The following CADPS variants were observed in gnomAD, a reference collection of about 807,000 sequenced individuals.
CADPS encodes calcium dependent secretion activator.
Under a neutral mutation model 167.3 loss-of-function variants are expected in CADPS, and 57 were observed. The observed-to-expected ratio is 0.34, with a 90% CI of 0.28 to 0.42. The LOEUF is 0.42. Ranked by LOEUF, CADPS falls within the 20% of genes least tolerant of loss-of-function variation. The pLI, the probability that CADPS is intolerant of heterozygous loss-of-function variation, is 1.00. For synonymous variants in CADPS, 676 were observed against 635.3 expected (o/e 1.06, Z -0.96); for missense variants, 1,414 against 1,738.1 (o/e 0.81, Z 3.32).
chr3:62,431,206 G>T (rs2053870046), intron 28 of CADPS, among the ~76,000 whole-genome samples: 1 of 152,174 alleles, frequency 6.6e-6, no homozygotes, highest in Non-Finnish European at 1.5e-5. Flanking sequence ...GTATGGGTAT[G>T]TGTGTGTCAA....
intron 3 of CADPS, among the ~76,000 whole-genome samples, chr3:62,700,053 T>C (rs775275762): frequency 1.3e-5 from 2 of 152,138 alleles, no homozygotes; most frequent in Non-Finnish European, 2.9e-5. Flanking sequence ...GTATGAACTC[T>C]ATGGGTCCTC....
At chr3:62,613,295 A>ATTTGAT (rs1289354057) in intron 6 of CADPS, among the ~76,000 whole-genome samples, 1 of 152,170 alleles carries the variant, frequency 6.6e-6, no homozygotes, top group Non-Finnish European at 1.5e-5. Flanking sequence ...GTCTAAATCC[A>ATTTGAT]TTTGATTGAT....
At chr3:62,831,703 A>G (rs934113885) in intron 1 of CADPS, among the ~76,000 whole-genome samples, 10 of 152,212 alleles carry the variant, frequency 6.6e-5, no homozygotes, top group African/African-American at 2.4e-4. Flanking sequence ...GAAGTGCTAA[A>G]AAATATTTGC....
At chr3:62,567,653 C>T (rs930012437) in intron 9 of CADPS, among the ~76,000 whole-genome samples, 60 of 144,038 alleles carry the variant, frequency 4.2e-4, no homozygotes, top group Non-Finnish European at 1.9e-4. Context: ...CAGCTCACTG[C>T]AGCCTCCGCC....
At chr3:62,717,792 A>G (rs550734425) in intron 3 of CADPS, among the ~76,000 whole-genome samples, 3 of 152,306 alleles carry the variant, frequency 2.0e-5, no homozygotes, top group East Asian at 3.9e-4. Context: ...AAATTCACCA[A>G]TGGTGTCCTG....
In CADPS at chr3:62,630,300, A is replaced by G. The variant is rs561728874; in HGVS notation, c.1325+15422T>C. 3.3e-5 allele frequency among the ~76,000 whole-genome samples: 5 copies of G among 152,290 alleles called. No individual in the cohort carries two copies. In the East Asian group the frequency reaches 5.8e-4, roughly 18 times the overall value. On this transcript the variant is annotated intron_variant, in intron 6 of 29. Transcript: ENST00000383710. ...TACAGTCTTTAATTTGGTTGAATTG[A>G]TAATATATTTGAATCCGAATCTGTA...
intron 1 of CADPS, among the ~76,000 whole-genome samples, chr3:62,847,281 CTTTTT>C (rs111771617): frequency 0.029 from 3,480 of 119,462 alleles, 147 homozygotes; most frequent in African/African-American, 0.096. Context: ...TTTTTTTTAA[CTTTTT>C]TTTTTTTATA....
At position 62,724,624 on chromosome 3, in the gene CADPS, T is replaced by A. The variant is rs142145328; in HGVS notation, c.888+28817A>T. Among the ~76,000 whole-genome samples the A allele has an allele frequency of 4.9e-4, 75 of 152,300 alleles. No homozygotes were observed. The East Asian group carries it at 0.014, about 29-fold the overall frequency. ...GGGACTGTTGGTATTCTCATATATG[T>A]GGTGTTATGCGTCACACACACACAG... On this transcript the variant is annotated intron_variant, in intron 3 of 29. Coordinates refer to ENST00000383710, the MANE Select transcript of CADPS (RefSeq NM_003716.4).
At chr3:62,710,403 A>T (rs1054372089) in intron 3 of CADPS, among the ~76,000 whole-genome samples, 21 of 126,208 alleles carry the variant, frequency 1.7e-4, no homozygotes, top group East Asian at 7.5e-4. Context: ...AGATATAATT[A>T]AAAAAAAAAT....
intron 27 of CADPS, chr3:62,439,878 G>C (rs1457746937): frequency 6.6e-6 from 1 of 152,034 alleles, no homozygotes; most frequent in African/African-American, 2.4e-5. Flanking sequence ...CTCTTTTCAC[G>C]AAGTTTCACT....
At chr3:62,776,420 C>T (rs965238618) in intron 1 of CADPS, among the ~76,000 whole-genome samples, 3 of 152,088 alleles carry the variant, frequency 2.0e-5, no homozygotes, top group Non-Finnish European at 2.9e-5. Context: ...TTCGGCGGGC[C>T]GAAGCAGGCG....
intron 11 of CADPS, among the ~76,000 whole-genome samples, chr3:62,538,439 A>C (rs2075133715): frequency 6.6e-6 from 1 of 152,100 alleles, no homozygotes; most frequent in Middle Eastern, 3.4e-3. Flanking sequence ...CTCACCTCCA[A>C]CCTGTCAGTC....
At chr3:62,447,798 T>C (rs539652991) in intron 26 of CADPS, among the ~76,000 whole-genome samples, 1 of 152,310 alleles carries the variant, frequency 6.6e-6, no homozygotes, top group African/African-American at 2.4e-5. Flanking sequence ...ACAATTATCA[T>C]TTCTACTAAA....
chr3:62,413,030 C>A (rs1317425646), intron 28 of CADPS, among the ~76,000 whole-genome samples: 1 of 152,106 alleles, frequency 6.6e-6, no homozygotes, highest in Non-Finnish European at 1.5e-5. Context: ...GAAAGGCTAT[C>A]TTTCCTAATA....
At chr3:62,837,169 C>A (rs1029685192) in intron 1 of CADPS, among the ~76,000 whole-genome samples, 2 of 152,176 alleles carry the variant, frequency 1.3e-5, no homozygotes, top group African/African-American at 4.8e-5. Context: ...TTAATCCTTA[C>A]ACTAACTTTT....
intron 9 of CADPS, among the ~76,000 whole-genome samples, chr3:62,559,150 T>C (rs2078708749): frequency 6.6e-6 from 1 of 152,226 alleles, no homozygotes; most frequent in African/African-American, 2.4e-5. Flanking sequence ...GGCCCCTTCC[T>C]TGCATTTGAC....
At chr3:62,595,128 T>G (rs1227623104) in intron 6 of CADPS, among the ~76,000 whole-genome samples, 2 of 151,270 alleles carry the variant, frequency 1.3e-5, no homozygotes, top group Non-Finnish European at 3.0e-5. Flanking sequence ...CTAGTGAGAG[T>G]TGACAAAAGA....
intron 1 of CADPS, among the ~76,000 whole-genome samples, chr3:62,778,656 C>T (rs993729577): frequency 3.9e-5 from 6 of 152,178 alleles, no homozygotes; most frequent in African/African-American, 1.4e-4. Context: ...TATACACCCA[C>T]CACAGACCCA....
intron 14 of CADPS, 72 bp downstream of exon 14, chr3:62,518,077 A>C: frequency 9.6e-7 from 1 of 1,037,330 alleles, no homozygotes; most frequent in Non-Finnish European, 1.5e-6. Context: ...ACAGTTTTGG[A>C]AAATTAAGTC....
Sources: allele counts gnomAD v4.1 joint callset (sites outside exome capture counted in the v4.1 genomes callset), GRCh38; gene constraint gnomAD v4.1.1; transcripts MANE v1.5; gene names NCBI Gene and HGNC (gene_info 2026-07-23, HGNC 2026-07-21).